HERC3: variants seen among roughly 807,000 people sequenced by gnomAD.
HERC3 encodes probable E3 ubiquitin-protein ligase HERC3.
Under a neutral mutation model 129.9 loss-of-function variants are expected in HERC3, and 58 were observed. That is an observed-to-expected ratio of 0.45 (90% CI 0.36 to 0.56). HERC3 has a LOEUF of 0.56. Among genes scored for constraint, HERC3 ranks in the 20% least tolerant of loss-of-function variants. HERC3 has a pLI of 0.00. For synonymous variants in HERC3, 430 were observed against 451.0 expected, an observed-to-expected ratio of 0.95 and a Z score of 0.59; for missense variants, 835 against 1,244.2, an observed-to-expected ratio of 0.67 and a Z score of 4.95.
intron 24 of HERC3, 40 bp downstream of exon 24, chr4:88,704,321 A>AAGC (rs1273369201): frequency 3.1e-6 from 5 of 1,595,300 alleles, no homozygotes. Flanking sequence ...AACTCCGGCG[A>AAGC]AGCAGCAGCA....
chr4:88,585,298 ACAAAAGTACT>A, the HERC3 span, among the ~76,000 whole-genome samples: 1 of 152,360 alleles, frequency 6.6e-6, no homozygotes, highest in African/African-American at 2.4e-5. Flanking sequence ...ACAGCAGGTT[ACAAAAGTACT>A]CAAAGTACAT....
At chr4:88,585,024 A>G in the HERC3 span, among the ~76,000 whole-genome samples, 3 of 152,216 alleles carry the variant, frequency 2.0e-5, no homozygotes, top group Non-Finnish European at 4.4e-5. Context: ...GAGGGTGAGA[A>G]GTTCAAGATC....
At chr4:88,609,527 T>G (rs562626120) in intron 3 of HERC3, among the ~76,000 whole-genome samples, 1 of 152,280 alleles carries the variant, frequency 6.6e-6, no homozygotes, top group Admixed American at 6.5e-5. Context: ...TGGGATCTAG[T>G]TTTTTATCTA....
chr4:88,674,000 C>T (rs1381751868), intron 16 of HERC3, among the ~76,000 whole-genome samples: 1 of 152,140 alleles, frequency 6.6e-6, no homozygotes, highest in Non-Finnish European at 1.5e-5. Context: ...GGCTGTGGCT[C>T]CTAACTGAGG....
the HERC3 span, among the ~76,000 whole-genome samples, chr4:88,570,441 TA>T: frequency 6.6e-6 from 1 of 152,192 alleles, no homozygotes; most frequent in African/African-American, 2.4e-5. Flanking sequence ...TTTATTACAT[TA>T]AAAAATCAAT....
intron 3 of HERC3, among the ~76,000 whole-genome samples, chr4:88,613,379 C>T (rs894021747): frequency 2.6e-5 from 4 of 152,206 alleles, no homozygotes; most frequent in South Asian, 4.1e-4. Flanking sequence ...AATTCACATT[C>T]GCACTTTGTA....
the HERC3 span, among the ~76,000 whole-genome samples, chr4:88,585,279 T>C: frequency 2.1e-4 from 32 of 152,182 alleles, no homozygotes; most frequent in Non-Finnish European, 7.3e-5. Flanking sequence ...GGGACACAAA[T>C]ATTCAACCAC....
intron 22 of HERC3, 98 bp downstream of exon 22, chr4:88,686,900 G>T: frequency 2.1e-6 from 2 of 937,468 alleles, no homozygotes; most frequent in Non-Finnish European, 3.4e-6. Flanking sequence ...ATAGAAAAAA[G>T]TCAGAGACTT....
intron 17 of HERC3, 23 bp from the exon 18 acceptor site, chr4:88,676,311 G>C: frequency 6.3e-7 from 1 of 1,587,822 alleles, no homozygotes; most frequent in Non-Finnish European, 8.6e-7. Flanking sequence ...GTATAATACT[G>C]TCAATAATGT....
intron 3 of HERC3, among the ~76,000 whole-genome samples, chr4:88,642,346 A>G (rs191419479): frequency 6.6e-6 from 1 of 152,206 alleles, no homozygotes; most frequent in African/African-American, 2.4e-5. Context: ...GCATCCATTT[A>G]TGACAAGAAC....
chr4:88,702,721 C>T (rs1735427212), intron 23 of HERC3, among the ~76,000 whole-genome samples: 1 of 152,232 alleles, frequency 6.6e-6, no homozygotes, highest in Non-Finnish European at 1.5e-5. Flanking sequence ...TTCTTGTGCA[C>T]ACATGTTAGC....
At chr4:88,566,871 C>G in the HERC3 span, among the ~76,000 whole-genome samples, 1 of 152,168 alleles carries the variant, frequency 6.6e-6, no homozygotes, top group Non-Finnish European at 1.5e-5. Flanking sequence ...TTCATTGCAG[C>G]CTTGACCTCC....
chr4:88,561,705 C>T, the HERC3 span, among the ~76,000 whole-genome samples: 1 of 152,070 alleles, frequency 6.6e-6, no homozygotes, highest in Non-Finnish European at 1.5e-5. Context: ...TACTGTCCAT[C>T]TCCATGAGTT....
At chr4:88,697,654 C>A in intron 23 of HERC3, 1 of 1,613,414 alleles carries the variant, frequency 6.2e-7, no homozygotes, top group Non-Finnish European at 8.5e-7. Flanking sequence ...ACAGTCTCCA[C>A]CCTGCGCACC....
chr4:88,689,956 G>A, intron 23 of HERC3: 1 of 973,908 alleles, frequency 1.0e-6, no homozygotes, highest in Non-Finnish European at 1.2e-6. Flanking sequence ...TTTTTGTCAT[G>A]TTAACCTTCC....
At chr4:88,655,735 A>G in intron 8 of HERC3, 140 bp from the exon 9 acceptor site, 1 of 766,620 alleles carries the variant, frequency 1.3e-6, no homozygotes, top group Non-Finnish European at 2.1e-6. Flanking sequence ...CAGCCGCTGC[A>G]AGAAGAGTCA....
chr4:88,628,863 A>G (rs1428535645), intron 3 of HERC3, among the ~76,000 whole-genome samples: 1 of 152,162 alleles, frequency 6.6e-6, no homozygotes, highest in African/African-American at 2.4e-5. Context: ...GGGAAGTGGT[A>G]AGAAGTCCTT....
At chr4:88,677,895 C>A in intron 18 of HERC3, 69 bp from the exon 19 acceptor site, 2 of 1,442,792 alleles carry the variant, frequency 1.4e-6, no homozygotes, top group Non-Finnish European at 9.6e-7. Context: ...AGTCCAGAAG[C>A]ACAGCTGACT....
the HERC3 span, among the ~76,000 whole-genome samples, chr4:88,579,243 A>ATATATATATATC: frequency 6.7e-6 from 1 of 148,592 alleles, no homozygotes; most frequent in African/African-American, 2.5e-5. Context: ...ATATATATAT[A>ATATATATATATC]TATATATATG....
Sources: gnomAD v4.1 joint callset for allele counts (sites outside exome capture counted in the v4.1 genomes callset) on GRCh38, gnomAD v4.1.1 for gene constraint, MANE v1.5 for transcripts, NCBI Gene and HGNC (gene_info 2026-07-23, HGNC 2026-07-21) for gene names.